DLC1: variants seen among roughly 807,000 people sequenced by gnomAD.
DLC1 encodes the protein DLC1 Rho GTPase activating protein.
A neutral mutation model predicts 140.3 loss-of-function variants in DLC1; 54 were observed. The observed-to-expected ratio is 0.38, with a 90% CI of 0.31 to 0.48. The LOEUF is 0.48. Among genes scored for constraint, DLC1 ranks in the 20% least tolerant of loss-of-function variants. The pLI is 0.96. For missense variants in DLC1, 2,536 were observed against 1,907.0 expected (o/e 1.33, Z -6.14); for synonymous variants, 986 against 728.1 (o/e 1.35, Z -5.70).
Position 13,102,275 on chromosome 8 carries a change from C to T in DLC1, c.1566+515G>A, listed in dbSNP as rs565958367. Among the ~76,000 whole-genome samples, 113 of 152,306 alleles carry T rather than the reference C, an allele frequency of 7.4e-4. 1 individual carries two copies. Among genetic ancestry groups the T allele is most frequent in the African/African-American group, 2.7e-3 (112 of 41,580 alleles). On this transcript the variant is annotated intron_variant, in intron 8 of 17. Transcript: ENST00000276297. ...TACCATCCAGCTCGGTTGTGTACCACCATTTGACTAAACTGTGTGGGATCT... is the reference window on the plus strand; with the variant it reads ...TACCATCCAGCTCGGTTGTGTACCATCATTTGACTAAACTGTGTGGGATCT...
In DLC1 at chr8:13,088,672, C is replaced by T. The variant is rs1265343028; in HGVS notation, c.4107G>A (p.Arg1369=). ...GCACAGCAGGGACTTCAATGACTGA[C>T]CTCCAAAGCCTCAGAGGGGGTCCTT... is the stretch of plus-strand genomic sequence containing the variant. ...VSEGPPLRLW[R]SVIEVPAVPE... is the part of the protein sequence containing the mutation. Residue 1369 remains arginine, a synonymous_variant, in exon 16 of 18, where the codon AGG becomes AGA. Transcript: ENST00000276297. The T allele has an allele frequency of 3.1e-6, 5 of 1,613,974 alleles. No individual in the cohort carries two copies. In the African/African-American group the frequency reaches 6.7e-5, roughly 22 times the overall value.
At chr8:13,428,402 T>A (rs1019659850) in intron 2 of DLC1, among the ~76,000 whole-genome samples, 3 of 152,182 alleles carry the variant, frequency 2.0e-5, no homozygotes, top group Admixed American at 2.0e-4. Flanking sequence ...TTTTCAAAAA[T>A]TCTGTTTTCT....
chr8:13,576,525 A>G (rs1487974834), intron 1 of DLC1, among the ~76,000 whole-genome samples: 1 of 152,236 alleles, frequency 6.6e-6, no homozygotes, highest in South Asian at 2.1e-4. Context: ...GAAAAGTTGT[A>G]AAAGTTGAGC....
chr8:13,388,902 A>C (rs1259057318), intron 4 of DLC1, among the ~76,000 whole-genome samples: 1 of 152,006 alleles, frequency 6.6e-6, no homozygotes, highest in Non-Finnish European at 1.5e-5. Context: ...CTTCTTGTGC[A>C]TTGAGCATTC....
intron 5 of DLC1, among the ~76,000 whole-genome samples, chr8:13,128,536 G>C (rs1585712925): frequency 6.6e-6 from 1 of 152,184 alleles, no homozygotes; most frequent in African/African-American, 2.4e-5. Flanking sequence ...GAGACACTAA[G>C]AAAACATATG....
intron 4 of DLC1, among the ~76,000 whole-genome samples, chr8:13,363,620 G>A (rs1231284507): frequency 6.6e-6 from 1 of 151,866 alleles, no homozygotes; most frequent in Non-Finnish European, 1.5e-5. Flanking sequence ...AAAGTCATTG[G>A]TTAAGGTATT....
chr8:13,289,705 G>A (rs1474543367), intron 5 of DLC1, among the ~76,000 whole-genome samples: 1 of 152,150 alleles, frequency 6.6e-6, no homozygotes, highest in East Asian at 1.9e-4. Context: ...TTAGCCCTGG[G>A]GAGGAGAAGG....
rs1817479577 is a variant in DLC1 at position 13,085,553 on chromosome 8, A to T, written c.*258T>A. 1 of 341,036 alleles carries T rather than the reference A, an allele frequency of 2.9e-6. No individual in the cohort carries two copies. The highest frequency in any genetic ancestry group is 9.2e-4 in the Middle Eastern group (1 of 1,084). 21.1% of individuals were successfully genotyped at this position (341,036 alleles called of 1,614,324 possible). ...TTAAAGAGTTTTGCTTCTCAGAAGC[A>T]ATTTGAATAAGAATACACATAAATT... On this transcript the variant is annotated 3_prime_UTR_variant, in exon 18 of 18. Coordinates refer to ENST00000276297, the MANE Select transcript of DLC1 (RefSeq NM_182643.3).
chr8:13,458,310 T>C (rs1397619308), intron 2 of DLC1, among the ~76,000 whole-genome samples: 1 of 152,194 alleles, frequency 6.6e-6, no homozygotes, highest in East Asian at 1.9e-4. Context: ...ACTTTAACCT[T>C]GCTCCATAAA....
At chr8:13,234,331 A>G (rs754779272) in intron 5 of DLC1, among the ~76,000 whole-genome samples, 2 of 152,164 alleles carry the variant, frequency 1.3e-5, no homozygotes, top group Non-Finnish European at 2.9e-5. Context: ...TTAACTGTAA[A>G]CTAGATACTG....
intron 2 of DLC1, among the ~76,000 whole-genome samples, chr8:13,460,579 G>C (rs1799613122): frequency 6.6e-6 from 1 of 152,232 alleles, no homozygotes; most frequent in Non-Finnish European, 1.5e-5. Flanking sequence ...GGGTATGAGA[G>C]TGAAGCTGTG....
chr8:13,570,921 C>G (rs62493179), intron 1 of DLC1, among the ~76,000 whole-genome samples: 15,191 of 152,184 alleles, frequency 0.1, 1,089 homozygotes, highest in Non-Finnish European at 0.14. Context: ...AGGGTTAACT[C>G]TTTACTTGCT....
intron 2 of DLC1, among the ~76,000 whole-genome samples, chr8:13,429,722 A>G (rs1466736811): frequency 6.6e-6 from 1 of 152,190 alleles, no homozygotes; most frequent in Non-Finnish European, 1.5e-5. Flanking sequence ...ATCTATTTGG[A>G]TAGAATCTCT....
At chr8:13,399,366 A>T (rs1437640805) in intron 3 of DLC1, among the ~76,000 whole-genome samples, 3 of 152,056 alleles carry the variant, frequency 2.0e-5, no homozygotes, top group African/African-American at 7.2e-5. Context: ...TGCAAATCTC[A>T]CCTGCTGGGT....
At chr8:13,475,876 G>A (rs981701867) in intron 2 of DLC1, among the ~76,000 whole-genome samples, 10 of 152,148 alleles carry the variant, frequency 6.6e-5, no homozygotes, top group African/African-American at 2.2e-4. Flanking sequence ...CTCTTAAGAC[G>A]AGAATGAACC....
chr8:13,312,386 A>AAAAAAAAAAATAAT lies in DLC1; in HGVS notation c.1315-7085_1315-7084insATTATTTTTTTTTT, dbSNP rs71207139. 7.6e-4 allele frequency among the ~76,000 whole-genome samples: 62 copies of AAAAAAAAAAATAAT among 81,688 alleles called. 1 individual carries two copies. The highest frequency in any genetic ancestry group is 1.4e-3 in the Admixed American group (9 of 6,506). The allele number at this position is 81,688 out of a possible 152,430, so 53.6% of individuals were successfully genotyped here. A position where few individuals can be genotyped will look rare whatever the true frequency, so the allele number is the denominator to read the frequency against. On this transcript the variant is annotated intron_variant, in intron 4 of 17. Transcript: ENST00000276297. ...AAAAAAAAAAAAAAAAAAAAAAAAA[A>AAAAAAAAAAATAAT]AATAATTTCTTTAGCAAGCTAGATA...
chr8:13,383,427 G>T (rs1836363953), intron 4 of DLC1, among the ~76,000 whole-genome samples: 1 of 152,150 alleles, frequency 6.6e-6, no homozygotes, highest in African/African-American at 2.4e-5. Flanking sequence ...CCTGAGACCT[G>T]CAGCGTCTCA....
intron 1 of DLC1, among the ~76,000 whole-genome samples, chr8:13,566,222 TGG>T (rs1804422658): frequency 6.6e-6 from 1 of 151,932 alleles, no homozygotes; most frequent in Non-Finnish European, 1.5e-5. Flanking sequence ...CCTGAGGAAA[TGG>T]GACTCGGAGG....
At chr8:13,540,823 G>T (rs187170951) in intron 1 of DLC1, among the ~76,000 whole-genome samples, 19 of 152,154 alleles carry the variant, frequency 1.2e-4, no homozygotes, top group African/African-American at 1.9e-4. Flanking sequence ...TGAATGTCAG[G>T]ATGGACATGG....
Sources: allele counts gnomAD v4.1 joint callset (sites outside exome capture counted in the v4.1 genomes callset), GRCh38; gene constraint gnomAD v4.1.1; transcripts MANE v1.5; gene names NCBI Gene and HGNC (gene_info 2026-07-23, HGNC 2026-07-21).